CWC27: variants seen among roughly 807,000 people sequenced by gnomAD.
The protein encoded by CWC27 is CWC27 spliceosome associated cyclophilin, also known as spliceosome-associated protein CWC27 homolog.
CWC27 carries 47 observed loss-of-function variants against 63.6 expected under a neutral mutation model. The ratio of observed to expected loss-of-function variants is 0.74; its 90% CI spans 0.58 to 0.94. The LOEUF (loss-of-function observed/expected upper bound fraction) is 0.94. Ranked by LOEUF, CWC27 falls within the 40% of genes least tolerant of loss-of-function variation. The pLI is 0.00. For synonymous variants in CWC27, 175 were observed against 179.8 expected, an observed-to-expected ratio of 0.97 and a Z score of 0.22; for missense variants, 495 against 554.3, an observed-to-expected ratio of 0.89 and a Z score of 1.07.
At chr5:64,863,260 T>G (rs1042422419) in intron 10 of CWC27, among the ~76,000 whole-genome samples, 2 of 152,158 alleles carry the variant, frequency 1.3e-5, no homozygotes, top group Non-Finnish European at 2.9e-5. Flanking sequence ...TTGGTTCAGA[T>G]TAAACATTCT....
At chr5:64,993,523 T>G (rs557746489) in intron 13 of CWC27, among the ~76,000 whole-genome samples, 4 of 152,178 alleles carry the variant, frequency 2.6e-5, no homozygotes, top group African/African-American at 7.2e-5. Flanking sequence ...GAATCCAGAT[T>G]ACAAAATGCG....
intron 11 of CWC27, among the ~76,000 whole-genome samples, chr5:64,902,141 A>G (rs1747523831): frequency 6.6e-6 from 1 of 152,228 alleles, no homozygotes; most frequent in Non-Finnish European, 1.5e-5. Context: ...TAATAAACAT[A>G]TAGTCATTTA....
At chr5:64,815,825 A>T (rs1176302779) in intron 10 of CWC27, among the ~76,000 whole-genome samples, 1 of 152,192 alleles carries the variant, frequency 6.6e-6, no homozygotes, top group Non-Finnish European at 1.5e-5. Context: ...AATTTCACAG[A>T]TGAATAACAC....
intron 7 of CWC27, among the ~76,000 whole-genome samples, chr5:64,798,068 G>A (rs944561748): frequency 3.9e-5 from 6 of 152,078 alleles, no homozygotes; most frequent in African/African-American, 7.2e-5. Context: ...ATAATCTGAC[G>A]GCCAGAGATG....
chr5:64,983,212 A>G (rs541499539), intron 13 of CWC27, among the ~76,000 whole-genome samples: 155 of 152,262 alleles, frequency 1.0e-3, no homozygotes, highest in African/African-American at 3.6e-3. Flanking sequence ...GTTATAAACA[A>G]CATACTTTAA....
chr5:64,995,488 T>C (rs1285191403), intron 13 of CWC27, among the ~76,000 whole-genome samples: 1 of 152,212 alleles, frequency 6.6e-6, no homozygotes. Flanking sequence ...TCAGTAGTAT[T>C]TTCATGCTTT....
At chr5:64,775,985 T>C (rs1001152156) in intron 2 of CWC27, among the ~76,000 whole-genome samples, 4 of 151,256 alleles carry the variant, frequency 2.6e-5, no homozygotes, top group African/African-American at 9.7e-5. Context: ...TAAATAGACG[T>C]AATTATCAGG....
At chr5:65,017,378 T>C (rs950393840) in intron 13 of CWC27, among the ~76,000 whole-genome samples, 2 of 152,230 alleles carry the variant, frequency 1.3e-5, no homozygotes, top group Admixed American at 6.5e-5. Context: ...TGAAGTCTGC[T>C]CTTTGGACTT....
intron 11 of CWC27, among the ~76,000 whole-genome samples, chr5:64,901,457 CAAA>C (rs539302853): frequency 6.9e-5 from 5 of 72,786 alleles, no homozygotes; most frequent in Admixed American, 1.6e-4. Flanking sequence ...GACTCCATCT[CAAA>C]AAAAAAAAAA....
chr5:64,849,585 C>A (rs1746080682), intron 10 of CWC27, among the ~76,000 whole-genome samples: 1 of 151,974 alleles, frequency 6.6e-6, no homozygotes, highest in Admixed American at 6.6e-5. Flanking sequence ...GTATGCAGCA[C>A]CTCCAATGGG....
At chr5:64,801,249 T>C (rs1301556972) in intron 8 of CWC27, 53 bp from the exon 9 acceptor site, 1 of 1,352,526 alleles carries the variant, frequency 7.4e-7, no homozygotes, top group African/African-American at 1.5e-5. Flanking sequence ...TACAAAATAA[T>C]TGTGTTAGTT....
chr5:65,007,115 T>C (rs1204100007), intron 13 of CWC27, among the ~76,000 whole-genome samples: 1 of 152,168 alleles, frequency 6.6e-6, no homozygotes, highest in South Asian at 2.1e-4. Context: ...TCATAAATCA[T>C]GTTGCTAGTA....
intron 13 of CWC27, among the ~76,000 whole-genome samples, chr5:65,001,710 G>T (rs1313784649): frequency 6.6e-6 from 1 of 152,004 alleles, no homozygotes; most frequent in Non-Finnish European, 1.5e-5. Context: ...TGCGTTGTTG[G>T]ATATGCTTTG....
intron 10 of CWC27, among the ~76,000 whole-genome samples, chr5:64,835,012 T>G (rs1745623861): frequency 6.6e-6 from 1 of 151,790 alleles, no homozygotes; most frequent in South Asian, 2.1e-4. Context: ...CTTGGTAGTA[T>G]AGAAACACAT....
chr5:64,921,051 C>A (rs1401993296), intron 11 of CWC27, among the ~76,000 whole-genome samples: 2 of 151,900 alleles, frequency 1.3e-5, no homozygotes, highest in Non-Finnish European at 2.9e-5. Flanking sequence ...AATTTGAGAT[C>A]TTTCTAACTT....
chr5:64,912,837 A>G (rs1747818612), intron 11 of CWC27, among the ~76,000 whole-genome samples: 1 of 152,196 alleles, frequency 6.6e-6, no homozygotes, highest in Non-Finnish European at 1.5e-5. Flanking sequence ...CAAATTCATA[A>G]TTTAAAACTC....
chr5:64,775,106 A>G (rs1180203691), intron 2 of CWC27, among the ~76,000 whole-genome samples: 2 of 152,082 alleles, frequency 1.3e-5, no homozygotes, highest in Admixed American at 6.5e-5. Context: ...CTAGTTCTCT[A>G]TTGTCATCAC....
At chr5:64,821,615 A>T (rs946306354) in intron 10 of CWC27, among the ~76,000 whole-genome samples, 2 of 152,150 alleles carry the variant, frequency 1.3e-5, no homozygotes, top group African/African-American at 4.8e-5. Context: ...TCTAGTACTA[A>T]CCCTTAGTTT....
At chr5:64,803,230 C>T (rs149009778) in intron 9 of CWC27, among the ~76,000 whole-genome samples, 25 of 152,282 alleles carry the variant, frequency 1.6e-4, no homozygotes, top group African/African-American at 4.6e-4. Flanking sequence ...TGCTTCACTA[C>T]GACTCACCAG....
Sources: gnomAD v4.1 joint callset for allele counts (sites outside exome capture counted in the v4.1 genomes callset) on GRCh38, gnomAD v4.1.1 for gene constraint, MANE v1.5 for transcripts, NCBI Gene and HGNC (gene_info 2026-07-23, HGNC 2026-07-21) for gene names.